GRIN2A: variants seen among roughly 807,000 people sequenced by gnomAD.
GRIN2A encodes glutamate receptor ionotropic, NMDA 2A.
In GRIN2A, 22 loss-of-function variants were observed where a neutral mutation model predicts 113.4. That is an observed-to-expected ratio of 0.19 (90% CI 0.14 to 0.28). GRIN2A has a LOEUF of 0.28. Ranked by LOEUF, GRIN2A falls within the 10% of genes least tolerant of loss-of-function variation. GRIN2A has a pLI of 1.00. For missense variants in GRIN2A, 1,502 were observed against 1,887.0 expected, an observed-to-expected ratio of 0.80 and a Z score of 3.78; for synonymous variants, 827 against 738.4, an observed-to-expected ratio of 1.12 and a Z score of -1.94.
Position 9,823,494 on chromosome 16 carries a change from C to T in GRIN2A, c.2008-1070G>A, listed in dbSNP as rs113538880. Among the ~76,000 whole-genome samples the T allele has an allele frequency of 2.9e-3, 438 of 152,250 alleles. 1 individual carries two copies. Among genetic ancestry groups the T allele is most frequent in the Non-Finnish European group, 5.1e-3 (344 of 68,000 alleles). On this transcript the variant is annotated intron_variant, in intron 9 of 12. Coordinates refer to ENST00000330684, the MANE Select transcript of GRIN2A (RefSeq NM_001134407.3). ...CATTCAAAAATAAAGCTATGATTAC[C>T]GTCTGTTATTATCATTATGAGTGAA...
At chr16:10,181,142 G>T (rs917689523) in intron 1 of GRIN2A, among the ~76,000 whole-genome samples, 1 of 12,438 alleles carries the variant, frequency 8.0e-5, no homozygotes, top group Admixed American at 8.9e-4. Flanking sequence ...GCCCCACCTC[G>T]AGCCAAGGGG....
chr16:9,914,994 T>A (rs2044217678), intron 3 of GRIN2A, among the ~76,000 whole-genome samples: 1 of 133,038 alleles, frequency 7.5e-6, no homozygotes, highest in Non-Finnish European at 1.6e-5. Flanking sequence ...TGGAGTGCAG[T>A]GGCGCGATCT....
At chr16:9,957,219 G>A (rs553338157) in intron 2 of GRIN2A, among the ~76,000 whole-genome samples, 1 of 152,222 alleles carries the variant, frequency 6.6e-6, no homozygotes, top group South Asian at 2.1e-4. Context: ...CTCAGCCAGG[G>A]GGACCAGCCT....
intron 2 of GRIN2A, among the ~76,000 whole-genome samples, chr16:9,987,947 C>T (rs180784974): frequency 6.6e-6 from 1 of 152,314 alleles, no homozygotes; most frequent in Non-Finnish European, 1.5e-5. Flanking sequence ...AATACTTGGA[C>T]GTGTCTAGCA....
At chr16:10,012,619 G>A (rs569755382) in intron 2 of GRIN2A, among the ~76,000 whole-genome samples, 1 of 152,336 alleles carries the variant, frequency 6.6e-6, no homozygotes, top group Non-Finnish European at 1.5e-5. Flanking sequence ...CATGGCAAAA[G>A]GGACTTTGCA....
At position 10,075,794 on chromosome 16, in the gene GRIN2A, C is replaced by G. The variant is rs553861997; in HGVS notation, c.414+104204G>C. On this transcript the variant is annotated intron_variant, in intron 2 of 12. Coordinates refer to ENST00000330684, the MANE Select transcript of GRIN2A (RefSeq NM_001134407.3). ...AGAAGGACATTCATCTCGTCAATAT[C>G]TAAAATAATGCCTCTAGCTGCTCTA... is the stretch of plus-strand genomic sequence containing the variant. Among the ~76,000 whole-genome samples, 54 of 152,142 alleles carry G rather than the reference C, an allele frequency of 3.5e-4. 1 individual carries two copies. The South Asian group carries it at 0.011, about 30-fold the overall frequency.
intron 2 of GRIN2A, among the ~76,000 whole-genome samples, chr16:10,138,519 T>C (rs547440692): frequency 6.6e-6 from 1 of 152,178 alleles, no homozygotes; most frequent in African/African-American, 2.4e-5. Flanking sequence ...TCGCTTACTA[T>C]CACGAGAACA....
Position 9,763,078 on chromosome 16 carries a change from C to G in GRIN2A, c.*71G>C. On this transcript the variant is annotated 3_prime_UTR_variant, in exon 13 of 13. Coordinates refer to ENST00000330684, the MANE Select transcript of GRIN2A (RefSeq NM_001134407.3). ...CTCTTAGCAGGGCACTATTGGACAT[C>G]CAACATTTACCCTCCAGAACATTGG... 1 of 1,490,320 alleles carries G rather than the reference C, an allele frequency of 6.7e-7. No homozygotes were observed. Among genetic ancestry groups the G allele is most frequent in the South Asian group, 1.1e-5 (1 of 88,036 alleles). The allele number at this position is 1,490,320 out of a possible 1,614,324, so 92.3% of individuals were successfully genotyped here. A position where few individuals can be genotyped will look rare whatever the true frequency, so the allele number is the denominator to read the frequency against.
chr16:9,943,827 G>T (rs1458349201), intron 2 of GRIN2A, among the ~76,000 whole-genome samples: 5 of 152,166 alleles, frequency 3.3e-5, no homozygotes. Flanking sequence ...CCTATGCATT[G>T]TGCCCCATGC....
At chr16:10,058,327 C>T (rs1000568496) in intron 2 of GRIN2A, among the ~76,000 whole-genome samples, 1 of 151,680 alleles carries the variant, frequency 6.6e-6, no homozygotes, top group South Asian at 2.1e-4. Context: ...AAAAAAACCG[C>T]TAGATTACAA....
intron 2 of GRIN2A, among the ~76,000 whole-genome samples, chr16:10,177,494 C>T (rs1313383229): frequency 6.6e-6 from 1 of 152,188 alleles, no homozygotes. Context: ...CGAATCCCCT[C>T]CTCCATTTTT....
chr16:9,782,427 G>A (rs1352326376), intron 11 of GRIN2A, among the ~76,000 whole-genome samples: 1 of 152,102 alleles, frequency 6.6e-6, no homozygotes, highest in Non-Finnish European at 1.5e-5. Context: ...AGGGACAACT[G>A]TATATATAAT....
intron 2 of GRIN2A, among the ~76,000 whole-genome samples, chr16:10,044,109 G>A (rs756527481): frequency 8.7e-5 from 13 of 150,116 alleles, no homozygotes; most frequent in African/African-American, 2.2e-4. Context: ...GCAGGAATAC[G>A]GTGGCGCAAT....
chr16:10,109,236 C>T (rs1332365114), intron 2 of GRIN2A, among the ~76,000 whole-genome samples: 1 of 151,964 alleles, frequency 6.6e-6, no homozygotes, highest in Non-Finnish European at 1.5e-5. Context: ...TAGAAACCTT[C>T]ACCAACCCTG....
intron 11 of GRIN2A, among the ~76,000 whole-genome samples, chr16:9,784,512 C>T (rs1315653711): frequency 2.0e-5 from 3 of 150,092 alleles, no homozygotes; most frequent in East Asian, 2.0e-4. Context: ...GGCAATACCA[C>T]TCAGGACATA....
At chr16:10,131,085 A>T (rs2049052092) in intron 2 of GRIN2A, among the ~76,000 whole-genome samples, 1 of 152,356 alleles carries the variant, frequency 6.6e-6, no homozygotes, top group South Asian at 2.1e-4. Flanking sequence ...CACATCCACA[A>T]GATTTCAAGA....
At chr16:9,826,544 AAAAAAC>A (rs2042391386) in intron 9 of GRIN2A, among the ~76,000 whole-genome samples, 1 of 152,180 alleles carries the variant, frequency 6.6e-6, no homozygotes, top group Non-Finnish European at 1.5e-5. Context: ...AAACAAAAAC[AAAAAAC>A]AAAAACAAAA....
intron 2 of GRIN2A, among the ~76,000 whole-genome samples, chr16:9,945,529 ATCTAAT>A (rs144969049): frequency 0.015 from 2,298 of 152,274 alleles, 28 homozygotes; most frequent in Non-Finnish European, 0.026. Flanking sequence ...GGGAGTCTGT[ATCTAAT>A]TCCTAGGTCA....
At chr16:10,135,987 G>C (rs985466506) in intron 2 of GRIN2A, among the ~76,000 whole-genome samples, 2 of 152,144 alleles carry the variant, frequency 1.3e-5, no homozygotes, top group Non-Finnish European at 2.9e-5. Flanking sequence ...TAACACTCAA[G>C]ACAGCTTCTC....
Sources: gnomAD v4.1 joint callset for allele counts (sites outside exome capture counted in the v4.1 genomes callset) on GRCh38, gnomAD v4.1.1 for gene constraint, MANE v1.5 for transcripts, NCBI Gene and HGNC (gene_info 2026-07-23, HGNC 2026-07-21) for gene names.